Variants in TRIM24 observed in about 807,000 individuals in gnomAD.
The protein encoded by TRIM24 is transcription intermediary factor 1-alpha.
A neutral mutation model predicts 123.9 loss-of-function variants in TRIM24; 29 were observed. The observed-to-expected ratio is 0.23, with a 90% CI of 0.17 to 0.32. TRIM24 has a LOEUF of 0.32. TRIM24 is among the 10% of genes least tolerant of loss of function. TRIM24 has a pLI of 1.00. For synonymous variants in TRIM24, 456 were observed against 461.1 expected, an observed-to-expected ratio of 0.99 and a Z score of 0.14; for missense variants, 932 against 1,295.3, an observed-to-expected ratio of 0.72 and a Z score of 4.31.
At position 138,460,902 on chromosome 7, in the gene TRIM24, C is replaced by T; in HGVS notation, c.354C>T (p.Phe118=). The T allele has an allele frequency of 6.6e-7, 1 of 1,504,196 alleles. No homozygotes were observed. Among genetic ancestry groups the T allele is most frequent in the Non-Finnish European group, 8.8e-7 (1 of 1,135,090 alleles). 93.2% of individuals were successfully genotyped at this position (1,504,196 alleles called of 1,614,324 possible). A position where few individuals can be genotyped will look rare whatever the true frequency, so the allele number is the denominator to read the frequency against. Reference sequence around the variant, plus strand: ...CGCCGGTCAGCGGCTCGTCGCCGTTCGCCACCCAAGGTGAGAACCGGCCGC... The same window carrying T: ...CGCCGGTCAGCGGCTCGTCGCCGTTTGCCACCCAAGGTGAGAACCGGCCGC... The part of the protein sequence containing the change: ...PGSPVSGSSP[F]ATQVGVIRCP... Residue 118 remains phenylalanine (F), a synonymous_variant, in exon 1 of 19, where the codon TTC becomes TTT. Coordinates refer to ENST00000343526, the MANE Select transcript of TRIM24 (RefSeq NM_015905.3).
chr7:138,550,318 G>GGTGTGTGTGTGTGT (rs10548154), intron 7 of TRIM24, among the ~76,000 whole-genome samples: 126 of 147,568 alleles, frequency 8.5e-4, no homozygotes, highest in African/African-American at 2.9e-3. Context: ...AGGAGTTGAT[G>GGTGTGTGTGTGTGT]GTGTGTGTGT....
rs1798051603 is a variant in TRIM24 at position 138,588,293 on chromosome 7, A to G, written c.*3342A>G. The G allele has an allele frequency of 6.6e-6, 1 of 152,240 alleles. No homozygotes were observed. The highest frequency in any genetic ancestry group is 2.4e-5 in the African/African-American group (1 of 41,470). The allele number at this position is 152,240 out of a possible 1,614,324, so 9.4% of individuals were successfully genotyped here. A position where few individuals can be genotyped will look rare whatever the true frequency, so the allele number is the denominator to read the frequency against. On this transcript the variant is annotated 3_prime_UTR_variant, in exon 19 of 19. Coordinates refer to ENST00000343526, the MANE Select transcript of TRIM24 (RefSeq NM_015905.3). ...CTGGTCCAAATTAATGTGAATCCCC[A>G]AAGTAAATTGCTGCATATGAACAAC...
rs1338637133 is a variant in TRIM24, at chr7:138,531,161, CATGTGCACAACGTGCACATATGTAT to C, written c.996+1936_996+1960del. On this transcript the variant is annotated intron_variant, in intron 6 of 18. Coordinates refer to ENST00000343526, the MANE Select transcript of TRIM24 (RefSeq NM_015905.3). ...TTATTATACTTTAAGTTCTAGGGTA[CATGTGCACAACGTGCACATATGTAT>C]ATGTATACATGTATACATGTATACG... Among the ~76,000 whole-genome samples the C allele has an allele frequency of 8.3e-5, 12 of 144,170 alleles. 1 individual carries two copies. The highest frequency in any genetic ancestry group is 5.4e-4 in the Admixed American group (8 of 14,766). The allele number at this position is 144,170 out of a possible 152,430, so 94.6% of individuals were successfully genotyped here.
At position 138,547,199 on chromosome 7, in the gene TRIM24, A is replaced by G. The variant is rs183998061; in HGVS notation, c.1144-3864A>G. Among the ~76,000 whole-genome samples the G allele has an allele frequency of 3.3e-5, 5 of 152,314 alleles. No individual in the cohort carries two copies. The East Asian group carries it at 7.7e-4, about 23-fold the overall frequency. On this transcript the variant is annotated intron_variant, in intron 7 of 18. Coordinates refer to ENST00000343526, the MANE Select transcript of TRIM24 (RefSeq NM_015905.3). ...TCACTTATACGTGGAAAAAAGTTAA[A>G]CTCAGAGAGAGTAGAATGGTGGTTA...
intron 6 of TRIM24, among the ~76,000 whole-genome samples, chr7:138,529,477 G>T (rs1796681367): frequency 6.6e-6 from 1 of 152,144 alleles, no homozygotes; most frequent in African/African-American, 2.4e-5. Flanking sequence ...CTTGCTTGTA[G>T]GAGGATCTCT....
chr7:138,504,509 G>T, intron 2 of TRIM24, 101 bp downstream of exon 2: 1 of 709,444 alleles, frequency 1.4e-6, no homozygotes, highest in Non-Finnish European at 2.1e-6. Context: ...GCCCAGGCAG[G>T]AGTTCACAAG....
Position 138,585,780 on chromosome 7 carries a change from C to A in TRIM24, c.*829C>A. ...CAGGTGATCCTTTTACAACAAGCCT[C>A]ATTGTTTGCAGTATAGCTTTTAGTG... On this transcript the variant is annotated 3_prime_UTR_variant, in exon 19 of 19. Coordinates refer to ENST00000343526, the MANE Select transcript of TRIM24 (RefSeq NM_015905.3). 1 of 521,886 alleles carries A rather than the reference C, an allele frequency of 1.9e-6. No individual in the cohort carries two copies. The highest frequency in any genetic ancestry group is 1.4e-5 in the South Asian group (1 of 71,280). The allele number at this position is 521,886 out of a possible 1,614,324, so 32.3% of individuals were successfully genotyped here.
At chr7:138,529,917 ATACAG>A (rs1796693988) in intron 6 of TRIM24, among the ~76,000 whole-genome samples, 1 of 152,186 alleles carries the variant, frequency 6.6e-6, no homozygotes, top group African/African-American at 2.4e-5. Flanking sequence ...AAGCATATTG[ATACAG>A]TAAAGAAGCA....
intron 6 of TRIM24, among the ~76,000 whole-genome samples, chr7:138,530,382 T>C (rs868638837): frequency 1.3e-5 from 2 of 152,280 alleles, no homozygotes; most frequent in African/African-American, 4.8e-5. Context: ...TGAAGAGCTT[T>C]ACAAAGGAGA....
At chr7:138,528,418 T>A (rs755627457) in intron 5 of TRIM24, among the ~76,000 whole-genome samples, 4 of 152,218 alleles carry the variant, frequency 2.6e-5, no homozygotes, top group Admixed American at 1.3e-4. Flanking sequence ...ATCAAGACTT[T>A]CCTGGGTCTG....
Position 138,588,150 on chromosome 7 carries a change from G to A in TRIM24, c.*3199G>A, listed in dbSNP as rs999414085. 6.6e-6 allele frequency: 1 copy of A among 152,294 alleles called. No individual in the cohort carries two copies. The highest frequency in any genetic ancestry group is 2.4e-5 in the African/African-American group (1 of 41,562). 9.4% of individuals were successfully genotyped at this position (152,294 alleles called of 1,614,324 possible). A position where few individuals can be genotyped will look rare whatever the true frequency, so the allele number is the denominator to read the frequency against. ...TCAAAAAAAGGGGGAGTATACAGCT[G>A]ATTGTTGCATTTATGAAACTGCATT... On this transcript the variant is annotated 3_prime_UTR_variant, in exon 19 of 19. Coordinates refer to ENST00000343526, the MANE Select transcript of TRIM24 (RefSeq NM_015905.3).
At chr7:138,473,668 T>G (rs1007572645) in intron 1 of TRIM24, among the ~76,000 whole-genome samples, 2 of 152,278 alleles carry the variant, frequency 1.3e-5, no homozygotes, top group African/African-American at 4.8e-5. Flanking sequence ...TATCACTGTA[T>G]GCTTACTAGT....
intron 5 of TRIM24, among the ~76,000 whole-genome samples, chr7:138,526,007 T>C (rs898575686): frequency 2.0e-5 from 3 of 152,150 alleles, no homozygotes; most frequent in African/African-American, 7.2e-5. Flanking sequence ...TAAAATCCCA[T>C]TTAGGGCACA....
At position 138,554,197 on chromosome 7, in the gene TRIM24, A is replaced by G. The variant is rs1797269415; in HGVS notation, c.1262-501A>G. Among the ~76,000 whole-genome samples, 1 of 152,178 alleles carries G rather than the reference A, an allele frequency of 6.6e-6. No individual in the cohort carries two copies. The highest frequency in any genetic ancestry group is 1.5e-5 in the Non-Finnish European group (1 of 68,030). On this transcript the variant is annotated intron_variant, in intron 8 of 18. Coordinates refer to ENST00000343526, the MANE Select transcript of TRIM24 (RefSeq NM_015905.3). This position sits in a 1 kb window ranked among gnomAD's most constrained non-coding sequence, Gnocchi z 4.5. ...TCCAAACACACATTCTTCTTAGGCC[A>G]TACAGGGTCACTCACAGGGTACACT...
At chr7:138,486,748 T>C (rs1204697846) in intron 1 of TRIM24, among the ~76,000 whole-genome samples, 2 of 152,222 alleles carry the variant, frequency 1.3e-5, no homozygotes, top group Admixed American at 6.5e-5. Flanking sequence ...AGCCTTGTAG[T>C]GTACTTTGAA....
intron 11 of TRIM24, 95 bp downstream of exon 11, chr7:138,571,098 G>GT: frequency 7.8e-7 from 1 of 1,278,226 alleles, no homozygotes; most frequent in Non-Finnish European, 1.1e-6. Context: ...GGGAGGCTGA[G>GT]GCAGACAGAT....
At chr7:138,571,649 A>G (rs1462383534) in intron 11 of TRIM24, among the ~76,000 whole-genome samples, 1 of 152,126 alleles carries the variant, frequency 6.6e-6, no homozygotes, top group East Asian at 1.9e-4. Context: ...GTGCAAAATT[A>G]CCTCTGGTTT....
At chr7:138,518,138 C>T (rs1017307764) in intron 3 of TRIM24, among the ~76,000 whole-genome samples, 6 of 151,926 alleles carry the variant, frequency 3.9e-5, no homozygotes, top group South Asian at 4.2e-4. Context: ...ATATCTATTT[C>T]GTGAAATACT....
intron 10 of TRIM24, among the ~76,000 whole-genome samples, chr7:138,570,217 G>A (rs548680711): frequency 1.1e-4 from 17 of 152,144 alleles, no homozygotes; most frequent in African/African-American, 1.9e-4. Context: ...AAAGTGCTGC[G>A]ATTACAGGCA....
Sources: gnomAD v4.1 joint callset for allele counts (sites outside exome capture counted in the v4.1 genomes callset) on GRCh38, gnomAD v4.1.1 for gene constraint, Gnocchi (gnomAD v3.1) non-coding constraint, MANE v1.5 for transcripts, NCBI Gene and HGNC (gene_info 2026-07-23, HGNC 2026-07-21) for gene names.